Variants in SPANXN1 observed in about 807,000 individuals in gnomAD.
SPANXN1 encodes SPANX family member N1.
A neutral mutation model predicts 2.0 loss-of-function variants in SPANXN1; 1 was observed. That is an observed-to-expected ratio of 0.50 (90% CI 0.18 to 2.36). The LOEUF is 2.36. Ranked by LOEUF, SPANXN1 falls within the 30% of genes most tolerant of loss-of-function variation. The pLI is 0.26. For missense variants in SPANXN1, 55 were observed against 51.8 expected, an observed-to-expected ratio of 1.06 and a Z score of -0.19; for synonymous variants, 27 against 21.3, an observed-to-expected ratio of 1.27 and a Z score of -0.74.
rs1304357408 is a variant in SPANXN1 at position 145,247,631 on chromosome X, C to G, written c.45C>G (p.Ser15Arg). 8.3e-7 allele frequency: 1 copy of G among 1,208,097 alleles called. No homozygotes were observed. The highest frequency in any genetic ancestry group is 1.8e-5 in the African/African-American group (1 of 56,828). The change falls in exon 1 of 2, where the codon AGC becomes AGG. Residue 15 changes from serine (S) to arginine (R), a missense_variant. Coordinates refer to ENST00000370493, the MANE Select transcript of SPANXN1 (RefSeq NM_001009614.3). The part of the protein sequence containing the change: ...TSSINGEKRK[S>R]PCESNNENDE... Reference sequence around the variant, plus strand: ...GCATCAATGGGGAGAAGAGGAAGAGCCCCTGTGAATCCAACAATGAAAATG... The same window carrying G: ...GCATCAATGGGGAGAAGAGGAAGAGGCCCTGTGAATCCAACAATGAAAATG...
intron 1 of SPANXN1, among the ~76,000 whole-genome samples, chrX:145,254,798 G>A (rs1462011381): frequency 2.7e-5 from 3 of 111,643 alleles, no homozygotes; most frequent in South Asian, 3.8e-4. Flanking sequence ...TTGCAGCAGC[G>A]CAGAAAGGGG....
In SPANXN1 at chrX:145,256,097, G is replaced by A; in HGVS notation, c.*283G>A. The A allele has an allele frequency of 2.1e-6, 1 of 475,936 alleles. No homozygotes were observed. 39.2% of individuals were successfully genotyped at this position (475,936 alleles called of 1,213,427 possible). A position where few individuals can be genotyped will look rare whatever the true frequency, so the allele number is the denominator to read the frequency against. ...AGAATTACCTGAAGGATCTTCACAG[G>A]AGGATGAAGACCTAGAGAAAAAGCG... On this transcript the variant is annotated 3_prime_UTR_variant, in exon 2 of 2. Coordinates refer to ENST00000370493, the MANE Select transcript of SPANXN1 (RefSeq NM_001009614.3).
intron 1 of SPANXN1, among the ~76,000 whole-genome samples, chrX:145,253,439 G>GT (rs1335636718): frequency 5.4e-5 from 6 of 110,358 alleles, no homozygotes; most frequent in African/African-American, 1.3e-4. Context: ...ATTTTTTAAT[G>GT]TTTTTTTTCA....
At chrX:145,252,088 G>C (rs1225430251) in intron 1 of SPANXN1, among the ~76,000 whole-genome samples, 1 of 111,774 alleles carries the variant, frequency 8.9e-6, no homozygotes, top group Non-Finnish European at 1.9e-5. Context: ...TGACATATTG[G>C]AGGAGGGCAC....
chrX:145,247,875 A>G (rs1318502986), intron 1 of SPANXN1, among the ~76,000 whole-genome samples: 1 of 112,727 alleles, frequency 8.9e-6, no homozygotes, highest in African/African-American at 3.2e-5. Flanking sequence ...CAGGATATTG[A>G]TAAGATGTTT....
At chrX:145,247,859 G>A (rs1235569449) in intron 1 of SPANXN1, among the ~76,000 whole-genome samples, 198 bp downstream of exon 1, 10 of 112,782 alleles carry the variant, frequency 8.9e-5, no homozygotes, top group African/African-American at 3.2e-4. Context: ...ATGGCTTGCT[G>A]CCCGGCAGGA....
chrX:145,254,752 G>A (rs1556882886), intron 1 of SPANXN1, among the ~76,000 whole-genome samples: 1 of 111,794 alleles, frequency 8.9e-6, no homozygotes, highest in Non-Finnish European at 1.9e-5. Flanking sequence ...GACGCCCAGT[G>A]TTGGATATGA....
intron 1 of SPANXN1, among the ~76,000 whole-genome samples, chrX:145,250,075 T>G (rs782456708): frequency 1.8e-5 from 2 of 111,262 alleles, no homozygotes; most frequent in Admixed American, 1.9e-4. Flanking sequence ...TTAGTTGTTT[T>G]TTATAAAATT....
chrX:145,250,543 G>T (rs1205160242), intron 1 of SPANXN1, among the ~76,000 whole-genome samples: 1 of 111,803 alleles, frequency 8.9e-6, no homozygotes, highest in Non-Finnish European at 1.9e-5. Context: ...GCAGTAACCG[G>T]CATGGAAATG....
At chrX:145,250,556 T>C (rs782338459) in intron 1 of SPANXN1, among the ~76,000 whole-genome samples, 2 of 111,894 alleles carry the variant, frequency 1.8e-5, no homozygotes, top group Non-Finnish European at 3.8e-5. Flanking sequence ...TGGAAATGGT[T>C]GTGCACATAT....
chrX:145,252,530 G>T (rs2070790318), intron 1 of SPANXN1, among the ~76,000 whole-genome samples: 1 of 111,035 alleles, frequency 9.0e-6, no homozygotes, highest in Admixed American at 9.6e-5. Context: ...CCTTAAACCG[G>T]CTGGATTAAG....
intron 1 of SPANXN1, among the ~76,000 whole-genome samples, chrX:145,252,958 A>G (rs2070792133): frequency 1.8e-5 from 2 of 111,270 alleles, no homozygotes; most frequent in South Asian, 7.7e-4. Context: ...AAACCGAGTA[A>G]CTAGTTGTCC....
At position 145,247,525 on chromosome X, in the gene SPANXN1, C is replaced by A; in HGVS notation, c.-62C>A. The A allele has an allele frequency of 9.0e-7, 1 of 1,109,501 alleles. No homozygotes were observed. Among genetic ancestry groups the A allele is most frequent in the Non-Finnish European group, 1.2e-6 (1 of 803,844 alleles). 91.4% of individuals were successfully genotyped at this position (1,109,501 alleles called of 1,213,427 possible). A position where few individuals can be genotyped will look rare whatever the true frequency, so the allele number is the denominator to read the frequency against. On this transcript the variant is annotated 5_prime_UTR_variant, in exon 1 of 2. Transcript: ENST00000370493. ...GACATCCTCCTGGGAAGCTTCAATA[C>A]AGCTGTGCAAGTCTGGAGTCTACAA...
At chrX:145,252,824 G>C (rs138086566) in intron 1 of SPANXN1, among the ~76,000 whole-genome samples, 1,979 of 110,621 alleles carry the variant, frequency 0.018, 46 homozygotes, top group African/African-American at 0.062. Flanking sequence ...AACCAGGAAA[G>C]AGTGGGTGAA....
At chrX:145,253,916 A>G (rs2070796417) in intron 1 of SPANXN1, among the ~76,000 whole-genome samples, 1 of 111,505 alleles carries the variant, frequency 9.0e-6, no homozygotes, top group African/African-American at 3.3e-5. Context: ...GAAGTCAGCT[A>G]GGGAACTTGA....
intron 1 of SPANXN1, among the ~76,000 whole-genome samples, chrX:145,248,615 A>G (rs1350310091): frequency 1.8e-5 from 2 of 111,813 alleles, no homozygotes; most frequent in East Asian, 5.7e-4. Flanking sequence ...GCGGTTAACG[A>G]AAGTTGTAGG....
chrX:145,252,178 G>A lies in SPANXN1; in HGVS notation c.76-3493G>A, dbSNP rs146603375. 2.9e-3 allele frequency among the ~76,000 whole-genome samples: 329 copies of A among 111,820 alleles called. 1 individual carries two copies. The highest frequency in any genetic ancestry group is 0.01 in the African/African-American group (313 of 30,754). The stretch of plus-strand genomic sequence containing the variant: ...GGGGGCTATCCTGGAACCCCTGTGG[G>A]AGTATAATCCATGTTAGTTGGGTGG... On this transcript the variant is annotated intron_variant, in intron 1 of 1. Coordinates refer to ENST00000370493, the MANE Select transcript of SPANXN1 (RefSeq NM_001009614.3).
Position 145,254,077 on chromosome X carries a change from G to A in SPANXN1, c.76-1594G>A, listed in dbSNP as rs372780621. Among the ~76,000 whole-genome samples, 87 of 108,834 alleles carry A rather than the reference G, an allele frequency of 8.0e-4. 12 individuals carry two copies. Among genetic ancestry groups the A allele is most frequent in the Admixed American group, 5.3e-3 (54 of 10,127 alleles). 94.5% of individuals were successfully genotyped at this position (108,834 alleles called of 115,157 possible). The stretch of plus-strand genomic sequence containing the variant: ...AAGGGGGATGGAGGGTGACAGTAAG[G>A]GGGTGGAGGAGCCGGATCCGAAGGA... On this transcript the variant is annotated intron_variant, in intron 1 of 1. Transcript: ENST00000370493.
intron 1 of SPANXN1, 130 bp from the exon 2 acceptor site, chrX:145,255,541 C>G: frequency 2.0e-6 from 2 of 1,002,561 alleles, no homozygotes; most frequent in Non-Finnish European, 2.8e-6. Context: ...TATGATTCAA[C>G]CTTGTTCTTC....
Sources: allele counts gnomAD v4.1 joint callset (sites outside exome capture counted in the v4.1 genomes callset), GRCh38; gene constraint gnomAD v4.1.1; transcripts MANE v1.5; gene names NCBI Gene and HGNC (gene_info 2026-07-23, HGNC 2026-07-21).